The following EFHD1 variants were observed in gnomAD, a reference collection of about 807,000 sequenced individuals.
The protein encoded by EFHD1 is EF-hand domain family member D1, also known as EF-hand domain-containing protein D1.
In EFHD1, 10 loss-of-function variants were observed where a neutral mutation model predicts 17.2. The ratio of observed to expected loss-of-function variants is 0.58; its 90% CI spans 0.36 to 0.99. The LOEUF (loss-of-function observed/expected upper bound fraction) is 0.99, where lower values mean the gene tolerates loss of function less well. Ranked by LOEUF, EFHD1 falls within the 50% of genes least tolerant of loss-of-function variation. The probability of loss-of-function intolerance (pLI) is 0.01; values close to 1 mark genes in which losing one functional copy is unlikely to be tolerated. For synonymous variants in EFHD1, 153 were observed against 142.0 expected (o/e 1.08, Z -0.55); for missense variants, 310 against 327.5 (o/e 0.95, Z 0.41).
chr2:232,647,397 C>T (rs1166980681), intron 1 of EFHD1, among the ~76,000 whole-genome samples: 1 of 152,230 alleles, frequency 6.6e-6, no homozygotes, highest in Non-Finnish European at 1.5e-5. Context: ...GCTCTGAGAC[C>T]TGTGCCCCCT....
At chr2:232,665,118 C>A (rs1429550859) in intron 2 of EFHD1, among the ~76,000 whole-genome samples, 4 of 152,094 alleles carry the variant, frequency 2.6e-5, no homozygotes, top group African/African-American at 9.7e-5. Flanking sequence ...TATTCTGTGC[C>A]TGTGGAGCCC....
At chr2:232,638,913 C>T (rs1211390630) in intron 1 of EFHD1, among the ~76,000 whole-genome samples, 1 of 152,154 alleles carries the variant, frequency 6.6e-6, no homozygotes, top group Non-Finnish European at 1.5e-5. Flanking sequence ...TAGGGCTTGT[C>T]TGAATTCTGG....
chr2:232,663,345 T>C (rs1694909913), intron 2 of EFHD1, among the ~76,000 whole-genome samples: 2 of 152,140 alleles, frequency 1.3e-5, no homozygotes, highest in African/African-American at 4.8e-5. Context: ...TGTACATATT[T>C]ATGGGGGACA....
intron 1 of EFHD1, among the ~76,000 whole-genome samples, chr2:232,635,082 C>T (rs1694292624): frequency 6.6e-6 from 1 of 152,274 alleles, no homozygotes; most frequent in Admixed American, 6.5e-5. Context: ...GCCTCCCTGA[C>T]ACCCTGGTTT....
rs72999785 is a variant in EFHD1 at position 232,643,234 on chromosome 2, A to G, written c.302+9228A>G. On this transcript the variant is annotated intron_variant, in intron 1 of 3. Transcript: ENST00000264059. ...ATAAACAATGAGGAAATCTTCCTCT[A>G]TGTGTGCCCCAAGCTGGCCTCTGGC... Among the ~76,000 whole-genome samples, 918 of 152,160 alleles carry G rather than the reference A, an allele frequency of 6.0e-3. 5 individuals carry two copies. Among genetic ancestry groups the G allele is most frequent in the African/African-American group, 0.011 (445 of 41,544 alleles).
chr2:232,666,610 G>C (rs908956436), intron 2 of EFHD1, among the ~76,000 whole-genome samples: 41 of 152,286 alleles, frequency 2.7e-4, no homozygotes, highest in African/African-American at 9.6e-4. Context: ...GCTAGCTGCT[G>C]GTTTGGCCAG....
intron 1 of EFHD1, among the ~76,000 whole-genome samples, chr2:232,626,642 C>G (rs912683299): frequency 2.6e-5 from 4 of 152,078 alleles, no homozygotes; most frequent in Non-Finnish European, 5.9e-5. Context: ...GAACATAAAG[C>G]CCTTCTGCTG....
chr2:232,648,274 A>G (rs1444927464), intron 1 of EFHD1, among the ~76,000 whole-genome samples: 1 of 152,064 alleles, frequency 6.6e-6, no homozygotes, highest in Non-Finnish European at 1.5e-5. Flanking sequence ...AAAAGTGGCT[A>G]TGAGTGGTTT....
At chr2:232,646,217 G>A (rs1228683324) in intron 1 of EFHD1, among the ~76,000 whole-genome samples, 1 of 152,014 alleles carries the variant, frequency 6.6e-6, no homozygotes, top group Non-Finnish European at 1.5e-5. Flanking sequence ...TATTGCCCAA[G>A]GAAAAAAGTC....
At chr2:232,631,489 T>C (rs1290626453), upstream of EFHD1, among the ~76,000 whole-genome samples, 1 of 151,314 alleles carries the variant, frequency 6.6e-6, no homozygotes. Context: ...ATTTTATCTT[T>C]TTTTGTACAC....
intron 2 of EFHD1, among the ~76,000 whole-genome samples, chr2:232,663,449 G>A (rs753223746): frequency 6.6e-6 from 1 of 151,958 alleles, no homozygotes; most frequent in Non-Finnish European, 1.5e-5. Flanking sequence ...TCAGCCCACC[G>A]CAACCTCCAC....
chr2:232,662,706 G>T (rs113043882), intron 1 of EFHD1, 96 bp from the exon 2 acceptor site: 1 of 1,510,848 alleles, frequency 6.6e-7, no homozygotes, highest in African/African-American at 1.4e-5. Flanking sequence ...GGAGGTATTT[G>T]AGTCATTTTT....
At chr2:232,625,777 G>A (rs1209058699) in intron 1 of EFHD1, among the ~76,000 whole-genome samples, 1 of 152,134 alleles carries the variant, frequency 6.6e-6, no homozygotes, top group Non-Finnish European at 1.5e-5. Context: ...GAAAGGAATG[G>A]TGGGTAAACC....
intron 1 of EFHD1, among the ~76,000 whole-genome samples, chr2:232,656,488 G>A (rs746476750): frequency 6.6e-6 from 1 of 150,954 alleles, no homozygotes; most frequent in South Asian, 2.1e-4. Flanking sequence ...AGGCTGGAGT[G>A]CAGTTGTATG....
chr2:232,615,312 A>AGT (rs35239145), intron 1 of EFHD1, among the ~76,000 whole-genome samples: 19,283 of 136,298 alleles, frequency 0.14, 1,286 homozygotes, highest in East Asian at 0.2. Flanking sequence ...TGTCAACTAT[A>AGT]GTGTGTGTGT....
At chr2:232,654,589 GC>G (rs1694725856) in intron 1 of EFHD1, among the ~76,000 whole-genome samples, 1 of 151,792 alleles carries the variant, frequency 6.6e-6, no homozygotes, top group African/African-American at 2.4e-5. Flanking sequence ...ACCCCACCAG[GC>G]TAGTTTTTTG....
chr2:232,633,134 G>C (rs1299206813), upstream of EFHD1: 2 of 152,120 alleles, frequency 1.3e-5, no homozygotes, highest in Non-Finnish European at 2.9e-5. Flanking sequence ...CGCTCCGGGC[G>C]GGCGCCTCCC....
At chr2:232,636,996 G>A (rs950214411) in intron 1 of EFHD1, among the ~76,000 whole-genome samples, 1 of 152,090 alleles carries the variant, frequency 6.6e-6, no homozygotes, top group Non-Finnish European at 1.5e-5. Flanking sequence ...TTGCCCTTCC[G>A]GGTTCTGCGG....
At chr2:232,620,171 G>A (rs926400459) in intron 1 of EFHD1, among the ~76,000 whole-genome samples, 1 of 151,206 alleles carries the variant, frequency 6.6e-6, no homozygotes, top group African/African-American at 2.4e-5. Flanking sequence ...GGTGGATCAC[G>A]AGGTCAGGAG....
Sources: allele counts gnomAD v4.1 joint callset (sites outside exome capture counted in the v4.1 genomes callset), GRCh38; gene constraint gnomAD v4.1.1; transcripts MANE v1.5; gene names NCBI Gene and HGNC (gene_info 2026-07-23, HGNC 2026-07-21).